SLC2A13: variants seen among roughly 807,000 people sequenced by gnomAD.
SLC2A13 encodes the protein proton myo-inositol cotransporter.
Under a neutral mutation model 64.4 loss-of-function variants are expected in SLC2A13, and 32 were observed. The observed-to-expected ratio is 0.50, with a 90% CI of 0.37 to 0.67. SLC2A13 has a LOEUF of 0.67. SLC2A13 is among the 30% of genes least tolerant of loss of function. The pLI is 0.00. For synonymous variants in SLC2A13, 338 were observed against 327.1 expected (o/e 1.03, Z -0.36); for missense variants, 743 against 829.2 (o/e 0.90, Z 1.28).
chr12:39,792,755 G>C (rs1445094531), intron 7 of SLC2A13, among the ~76,000 whole-genome samples: 3 of 151,574 alleles, frequency 2.0e-5, no homozygotes, highest in East Asian at 3.9e-4. Flanking sequence ...ATTCCTGTTT[G>C]GTTGTAGATT....
At chr12:39,972,020 T>A (rs796541943) in intron 3 of SLC2A13, among the ~76,000 whole-genome samples, 9,565 of 56,334 alleles carry the variant, frequency 0.17, 687 homozygotes, top group Middle Eastern at 0.28. Context: ...ATATATTTTT[T>A]TTTATATAAA....
intron 7 of SLC2A13, among the ~76,000 whole-genome samples, chr12:39,775,593 A>C (rs1940746460): frequency 6.6e-6 from 1 of 152,212 alleles, no homozygotes; most frequent in African/African-American, 2.4e-5. Context: ...TTCCATTATC[A>C]CATCCAAAGC....
chr12:40,029,568 G>A (rs781551892), intron 2 of SLC2A13, among the ~76,000 whole-genome samples: 1 of 152,126 alleles, frequency 6.6e-6, no homozygotes, highest in Non-Finnish European at 1.5e-5. Flanking sequence ...ATGCTAAACT[G>A]ATAGTAGCCT....
At chr12:39,981,656 A>G (rs1399498951) in intron 3 of SLC2A13, among the ~76,000 whole-genome samples, 3 of 152,126 alleles carry the variant, frequency 2.0e-5, no homozygotes, top group Non-Finnish European at 4.4e-5. Flanking sequence ...TACACCAATA[A>G]CAGGAGCTGA....
chr12:39,858,003 G>A (rs1380756914), intron 6 of SLC2A13, among the ~76,000 whole-genome samples: 1 of 152,148 alleles, frequency 6.6e-6, no homozygotes, highest in Non-Finnish European at 1.5e-5. Context: ...AGCAAGTCTT[G>A]CCAAGTGGGG....
chr12:39,821,399 G>T (rs1337133341), intron 7 of SLC2A13, among the ~76,000 whole-genome samples: 1 of 151,648 alleles, frequency 6.6e-6, no homozygotes, highest in African/African-American at 2.4e-5. Flanking sequence ...AACAGAGCAA[G>T]ACTCCGTCTC....
intron 4 of SLC2A13, among the ~76,000 whole-genome samples, chr12:39,890,752 C>A (rs7135349): frequency 1.3e-5 from 2 of 152,016 alleles, no homozygotes; most frequent in Non-Finnish European, 2.9e-5. Context: ...CTGTAGAAAA[C>A]CAATACATAT....
chr12:39,957,251 G>A (rs896575581), intron 3 of SLC2A13, among the ~76,000 whole-genome samples: 3 of 152,120 alleles, frequency 2.0e-5, no homozygotes, highest in African/African-American at 7.2e-5. Flanking sequence ...CTCTTCCAAG[G>A]TCACAAACTA....
intron 3 of SLC2A13, among the ~76,000 whole-genome samples, chr12:39,967,489 C>T (rs1029089920): frequency 6.6e-6 from 1 of 152,126 alleles, no homozygotes; most frequent in African/African-American, 2.4e-5. Flanking sequence ...ATTCTAGCAA[C>T]ATTTACATTA....
At chr12:39,843,361 CCTAT>C (rs1263240045) in intron 6 of SLC2A13, among the ~76,000 whole-genome samples, 1 of 151,942 alleles carries the variant, frequency 6.6e-6, no homozygotes, top group Non-Finnish European at 1.5e-5. Context: ...CTAAGACAAG[CCTAT>C]CTGTCATTAA....
At chr12:40,084,440 T>TA (rs1938524784) in intron 1 of SLC2A13, among the ~76,000 whole-genome samples, 1 of 152,132 alleles carries the variant, frequency 6.6e-6, no homozygotes, top group South Asian at 2.1e-4. Flanking sequence ...ATGTCTTAAA[T>TA]AACAAGAAAC....
chr12:39,972,953 G>A (rs1353063825), intron 3 of SLC2A13, among the ~76,000 whole-genome samples: 3 of 152,036 alleles, frequency 2.0e-5, no homozygotes, highest in African/African-American at 7.2e-5. Flanking sequence ...TGTAATCCCA[G>A]CTACTCAGGA....
intron 4 of SLC2A13, among the ~76,000 whole-genome samples, chr12:39,916,782 T>A (rs958828328): frequency 1.3e-5 from 2 of 151,254 alleles, no homozygotes; most frequent in Admixed American, 6.6e-5. Context: ...TCTCTTGCCT[T>A]CCAAGTCGGT....
intron 7 of SLC2A13, among the ~76,000 whole-genome samples, chr12:39,822,116 A>G (rs959951465): frequency 1.8e-4 from 22 of 121,998 alleles, no homozygotes; most frequent in African/African-American, 5.5e-4. Context: ...TCCCCTTCCT[A>G]TGTCCATGTG....
At chr12:40,035,446 T>C (rs2136223975) in intron 2 of SLC2A13, among the ~76,000 whole-genome samples, 1 of 152,314 alleles carries the variant, frequency 6.6e-6, no homozygotes, top group Non-Finnish European at 1.5e-5. Context: ...ATTGCCACAT[T>C]GAGATCCCAG....
chr12:39,976,877 T>A (rs1415810425), intron 3 of SLC2A13, among the ~76,000 whole-genome samples: 1 of 152,184 alleles, frequency 6.6e-6, no homozygotes, highest in African/African-American at 2.4e-5. Context: ...ATCATTAAGA[T>A]AAAAAATGAA....
At chr12:39,990,583 C>G (rs2136165985) in intron 3 of SLC2A13, among the ~76,000 whole-genome samples, 1 of 152,212 alleles carries the variant, frequency 6.6e-6, no homozygotes, top group South Asian at 2.1e-4. Flanking sequence ...GCTCTATTCA[C>G]CCATAGTGCT....
At chr12:40,064,798 A>G (rs1335018274) in intron 1 of SLC2A13, among the ~76,000 whole-genome samples, 3 of 152,210 alleles carry the variant, frequency 2.0e-5, no homozygotes, top group South Asian at 4.1e-4. Flanking sequence ...ATCATTAGTT[A>G]TAGTACTAGA....
chr12:39,873,913 A>G (rs963501211), intron 4 of SLC2A13, among the ~76,000 whole-genome samples: 2 of 152,224 alleles, frequency 1.3e-5, no homozygotes, highest in East Asian at 1.9e-4. Context: ...GTTAGGTAAC[A>G]TAATCACTTG....
Sources: allele counts gnomAD v4.1 joint callset (sites outside exome capture counted in the v4.1 genomes callset), GRCh38; gene constraint gnomAD v4.1.1; transcripts MANE v1.5; gene names NCBI Gene and HGNC (gene_info 2026-07-23, HGNC 2026-07-21).